ZNF320: variants seen among roughly 807,000 people sequenced by gnomAD.
ZNF320 encodes the protein zinc finger protein 320, also known as zinc finger gene 320.
ZNF320 carries 2 observed loss-of-function variants against 6.8 expected under a neutral mutation model. That is an observed-to-expected ratio of 0.29 (90% confidence interval 0.12 to 0.93). ZNF320 has a LOEUF of 0.93. ZNF320 is among the 40% of genes least tolerant of loss of function. The pLI is 0.55. For missense variants in ZNF320, 472 were observed against 611.0 expected (o/e 0.77, Z 2.40); for synonymous variants, 208 against 203.2 (o/e 1.02, Z -0.20).
At chr19:52,899,818 G>A (rs1307232427), upstream of ZNF320, among the ~76,000 whole-genome samples, 1 of 152,134 alleles carries the variant, frequency 6.6e-6, no homozygotes, top group Non-Finnish European at 1.5e-5. Context: ...AGGCTTGACC[G>A]GTTTTATTAG....
intron 2 of ZNF320, 120 bp downstream of exon 2, chr19:52,893,659 G>C (rs754247820): frequency 3.3e-5 from 5 of 152,002 alleles, no homozygotes; most frequent in Non-Finnish European, 7.4e-5. Flanking sequence ...AAAAAATCAT[G>C]GGCTTATCCA....
chr19:52,873,743 A>G (rs1448494409), downstream of ZNF320, among the ~76,000 whole-genome samples: 1 of 152,118 alleles, frequency 6.6e-6, no homozygotes, highest in East Asian at 1.9e-4. Flanking sequence ...CCCACACCCC[A>G]TTTCCATCCA....
Position 52,897,619 on chromosome 19 carries a change from A to T in ZNF320, c.-369T>A, listed in dbSNP as rs1488304025. On this transcript the variant is annotated 5_prime_UTR_variant, in exon 1 of 6. Transcript: ENST00000682928. ...GGTATAGCAGCACCACAGGACTGGG[A>T]AGCACACATAAAACAGAGCGAAACT... The T allele has an allele frequency of 6.6e-6, 1 of 152,218 alleles. No individual in the cohort carries two copies. Among genetic ancestry groups the T allele is most frequent in the Non-Finnish European group, 1.5e-5 (1 of 68,124 alleles). The allele number at this position is 152,218 out of a possible 1,614,324, so 9.4% of individuals were successfully genotyped here.
chr19:52,874,241 T>C (rs2063728086), downstream of ZNF320: 1 of 181,386 alleles, frequency 5.5e-6, no homozygotes, highest in South Asian at 1.0e-4. Flanking sequence ...CCTACAAGGG[T>C]AATTTTGACC....
At chr19:52,869,052 G>A (rs2063631783) in intron 5 of ZNF320, among the ~76,000 whole-genome samples, 1 of 152,122 alleles carries the variant, frequency 6.6e-6, no homozygotes, top group Admixed American at 6.6e-5. Context: ...GGAAGGGCAA[G>A]GGTGGAGAGC....
Position 52,865,434 on chromosome 19 carries a change from T to TTA in ZNF320, c.224-1277_224-1276dup, listed in dbSNP as rs1555814106. The TTA allele has an allele frequency of 3.3e-3, 511 of 153,210 alleles. 4 individuals carry two copies. Among genetic ancestry groups the TTA allele is most frequent in the Middle Eastern group, 5.9e-3 (2 of 340 alleles). The allele number at this position is 153,210 out of a possible 1,614,324, so 9.5% of individuals were successfully genotyped here. A position where few individuals can be genotyped will look rare whatever the true frequency, so the allele number is the denominator to read the frequency against. On this transcript the variant is annotated intron_variant, in intron 5 of 5. Coordinates refer to the ZNF320 transcript ENST00000673631. Reference sequence around the variant, plus strand: ...AAGCGTTCTGTGCAGGGTCCAGGCTTTATATATATATATATATGTAATACA... The same window carrying TTA: ...AAGCGTTCTGTGCAGGGTCCAGGCTTTATATATATATATATATATGTAATACA...
downstream of ZNF320, chr19:52,874,365 C>T (rs1940980886): frequency 6.5e-6 from 1 of 153,226 alleles, no homozygotes; most frequent in Non-Finnish European, 1.5e-5. Flanking sequence ...GCACAGCCCC[C>T]TCAGCTCCCT....
chr19:52,889,377 G>A (rs2064211825), intron 4 of ZNF320, among the ~76,000 whole-genome samples: 1 of 151,746 alleles, frequency 6.6e-6, no homozygotes, highest in African/African-American at 2.4e-5. Flanking sequence ...GCTTGAATTC[G>A]GGAGGCAGAG....
intron 5 of ZNF320, among the ~76,000 whole-genome samples, chr19:52,884,131 G>A (rs760305321): frequency 1.5e-4 from 23 of 152,264 alleles, no homozygotes; most frequent in Non-Finnish European, 2.6e-4. Flanking sequence ...CCGTGAAGAA[G>A]CCTCTCACCA....
intron 5 of ZNF320, among the ~76,000 whole-genome samples, chr19:52,884,074 C>T (rs916418689): frequency 6.6e-6 from 1 of 152,134 alleles, no homozygotes; most frequent in Non-Finnish European, 1.5e-5. Flanking sequence ...ATTGCCTGTT[C>T]CTCTTTCTAC....
At chr19:52,891,053 G>A (rs571016828) in intron 3 of ZNF320, among the ~76,000 whole-genome samples, 176 bp downstream of exon 3, 1 of 152,176 alleles carries the variant, frequency 6.6e-6, no homozygotes, top group Non-Finnish European at 1.5e-5. Context: ...GGAAGCTGAG[G>A]TTGGAGGATC....
intron 1 of ZNF320, among the ~76,000 whole-genome samples, chr19:52,894,381 CAAA>C (rs35688862): frequency 2.0e-5 from 2 of 98,112 alleles, no homozygotes; most frequent in Non-Finnish European, 2.2e-5. Context: ...AAGACTGTCT[CAAA>C]AAAAAAAAAA....
rs2063541534 is a variant in ZNF320 at position 52,865,637 on chromosome 19, A to G, written c.224-1478T>C. 3.1e-5 allele frequency among the ~76,000 whole-genome samples: 4 copies of G among 130,962 alleles called. No individual in the cohort carries two copies. The Admixed American group carries it at 3.3e-4, about 11-fold the overall frequency. 85.9% of individuals were successfully genotyped at this position (130,962 alleles called of 152,430 possible). A position where few individuals can be genotyped will look rare whatever the true frequency, so the allele number is the denominator to read the frequency against. Reference sequence around the variant, plus strand: ...TACATATATATTTATATATGATTATACATATATATTTATATATGATTATAC... The same window carrying G: ...TACATATATATTTATATATGATTATGCATATATATTTATATATGATTATAC... On this transcript the variant is annotated intron_variant, in intron 5 of 5. Coordinates refer to the ZNF320 transcript ENST00000673631.
At chr19:52,867,160 T>C (rs922354927) in intron 5 of ZNF320, among the ~76,000 whole-genome samples, 1 of 151,884 alleles carries the variant, frequency 6.6e-6, no homozygotes, top group Non-Finnish European at 1.5e-5. Flanking sequence ...AAAAGCCATG[T>C]TTGGATTTAA....
At chr19:52,883,358 C>T (rs867842872) in intron 5 of ZNF320, among the ~76,000 whole-genome samples, 21 of 152,122 alleles carry the variant, frequency 1.4e-4, no homozygotes, top group African/African-American at 3.4e-4. Context: ...CTGTGCCCAG[C>T]GGCAGTTTGT....
chr19:52,868,488 A>G (rs1459924191), intron 5 of ZNF320, among the ~76,000 whole-genome samples: 2 of 151,556 alleles, frequency 1.3e-5, no homozygotes, highest in African/African-American at 2.4e-5. Flanking sequence ...CCTGGGCAAG[A>G]AGAGCGAAAC....
At chr19:52,890,200 A>G in intron 4 of ZNF320, 41 bp downstream of exon 4, 1 of 1,601,586 alleles carries the variant, frequency 6.2e-7, no homozygotes, top group Admixed American at 1.7e-5. Context: ...GCATTTCTGA[A>G]AGGAAGGAGA....
upstream of ZNF320, among the ~76,000 whole-genome samples, chr19:52,901,588 T>A (rs1476902389): frequency 2.0e-5 from 3 of 152,224 alleles, no homozygotes; most frequent in Non-Finnish European, 4.4e-5. Context: ...TATGTTTAAC[T>A]GGGCTCTTTG....
At chr19:52,898,614 G>A (rs1444170452), upstream of ZNF320, among the ~76,000 whole-genome samples, 2 of 152,222 alleles carry the variant, frequency 1.3e-5, no homozygotes, top group Non-Finnish European at 2.9e-5. Context: ...GCAATCTACT[G>A]CCTTGAAATC....
Sources: gnomAD v4.1 joint callset for allele counts (sites outside exome capture counted in the v4.1 genomes callset) on GRCh38, gnomAD v4.1.1 for gene constraint, MANE v1.5 for transcripts, NCBI Gene and HGNC (gene_info 2026-07-23, HGNC 2026-07-21) for gene names.